PLXNA1: variants seen among roughly 807,000 people sequenced by gnomAD.
The protein encoded by PLXNA1 is plexin A1.
Under a neutral mutation model 191.7 loss-of-function variants are expected in PLXNA1, and 77 were observed. The observed-to-expected ratio is 0.40, with a 90% CI of 0.33 to 0.49. The LOEUF is 0.49. Ranked by LOEUF, PLXNA1 falls within the 20% of genes least tolerant of loss-of-function variation. PLXNA1 has a pLI of 0.63. For synonymous variants in PLXNA1, 1,137 were observed against 1,156.4 expected (o/e 0.98, Z 0.34); for missense variants, 2,110 against 2,660.2 (o/e 0.79, Z 4.55).
intron 10 of PLXNA1, 51 bp from the exon 11 acceptor site, chr3:127,013,965 TGGGA>T: frequency 6.5e-7 from 1 of 1,527,164 alleles, no homozygotes; most frequent in Middle Eastern, 1.7e-4. Flanking sequence ...GCGTGAGGCT[TGGGA>T]GGCCTGGAGG....
rs764129635 is a variant in PLXNA1, at chr3:127,005,242, G to A, written c.1896G>A (p.Gln632=). The part of the protein sequence containing the change: ...AREVAPITRG[Q]GDQRVVKLYL... Reference sequence around the variant, plus strand: ...AGGTGGCGCCCATCACGCGGGGCCAGGGTGAGTGGCCCCAACACAATGGTG... The same window carrying A: ...AGGTGGCGCCCATCACGCGGGGCCAAGGTGAGTGGCCCCAACACAATGGTG... Residue 632 remains glutamine (Q), a splice_region_variant and synonymous_variant, in exon 7 of 32, where the codon CAG becomes CAA. Coordinates refer to ENST00000393409, the MANE Select transcript of PLXNA1 (RefSeq NM_032242.4). 1.4e-5 allele frequency: 22 copies of A among 1,603,230 alleles called. No homozygotes were observed. In the East Asian group the frequency reaches 4.3e-4, roughly 31 times the overall value.
intron 3 of PLXNA1, among the ~76,000 whole-genome samples, chr3:126,997,100 C>T (rs1289503733): frequency 6.6e-6 from 1 of 152,204 alleles, no homozygotes; most frequent in Non-Finnish European, 1.5e-5. Flanking sequence ...AAGACTCTTC[C>T]TTACTGTGGG....
At chr3:126,983,782 C>T (rs924024158) in intron 1 of PLXNA1, among the ~76,000 whole-genome samples, 5 of 152,080 alleles carry the variant, frequency 3.3e-5, no homozygotes, top group South Asian at 4.1e-4. Flanking sequence ...CCTCTGGCCG[C>T]GGGCGAGGAC....
chr3:127,002,981 G>A (rs938715045), intron 3 of PLXNA1, among the ~76,000 whole-genome samples: 1 of 152,156 alleles, frequency 6.6e-6, no homozygotes, highest in African/African-American at 2.4e-5. Context: ...CTAGGCACCC[G>A]TGGGACTCCT....
Position 126,988,953 on chromosome 3 carries a change from G to A in PLXNA1, c.360G>A (p.Leu120=), listed in dbSNP as rs1351858398. ...ACAACGTCAACAAGCTGCTGCTGCT[G>A]GACTATGCCGCTAACCGCCTGCTGG... ...STDNVNKLLL[L]DYAANRLLAC... Residue 120 remains leucine, a synonymous_variant, in exon 2 of 32, where the codon CTG becomes CTA. Transcript: ENST00000393409. The A allele has an allele frequency of 1.2e-6, 2 of 1,613,224 alleles. No individual in the cohort carries two copies. The highest frequency in any genetic ancestry group is 1.7e-6 in the Non-Finnish European group (2 of 1,180,022).
At chr3:126,988,499 C>A in intron 1 of PLXNA1, 22 bp from the exon 2 acceptor site, 6 of 1,085,038 alleles carry the variant, frequency 5.5e-6, no homozygotes, top group Non-Finnish European at 7.7e-6. Flanking sequence ...CATTCACATG[C>A]CCTCTTCTGC....
chr3:126,988,660 G>T lies in PLXNA1; in HGVS notation c.67G>T (p.Gly23Cys). 6.3e-7 allele frequency: 1 copy of T among 1,579,310 alleles called. No individual in the cohort carries two copies. The highest frequency in any genetic ancestry group is 8.6e-7 in the Non-Finnish European group (1 of 1,162,162). The change falls in exon 2 of 32, where the codon GGC becomes TGC. Residue 23 changes from glycine to cysteine, a missense_variant. Transcript: ENST00000393409. ...LLLLLLLLLP[G>C]MWAEAGLPRA... ...GCTGCTGTTGCTGCTGCTGCTGCCG[G>T]GCATGTGGGCTGAGGCAGGCTTGCC...
chr3:127,027,252 A>T (rs906046060), intron 23 of PLXNA1: 1 of 233,546 alleles, frequency 4.3e-6, no homozygotes, highest in Non-Finnish European at 8.5e-6. Context: ...TTCTCATGCT[A>T]CAGCGCGGGG....
Position 127,011,989 on chromosome 3 carries a change from T to C in PLXNA1, c.2144T>C (p.Ile715Thr). ...CCACAGATCCTGCCCTCCACGCAGA[T>C]CTACGTGCCAGTGGGAGTGGTAAAA... ...DCPQILPSTQ[I>T]YVPVGVVKPI... The change falls in exon 10 of 32, where the codon ATC (isoleucine) becomes ACC (threonine). Residue 715 changes from isoleucine to threonine, a missense_variant. Coordinates refer to ENST00000393409, the MANE Select transcript of PLXNA1 (RefSeq NM_032242.4). 1.2e-6 allele frequency: 2 copies of C among 1,613,736 alleles called. No individual in the cohort carries two copies. Among genetic ancestry groups the C allele is most frequent in the South Asian group, 2.2e-5 (2 of 91,082 alleles).
chr3:126,992,757 G>C (rs980529853), intron 3 of PLXNA1, among the ~76,000 whole-genome samples: 2 of 152,050 alleles, frequency 1.3e-5, no homozygotes, highest in African/African-American at 4.8e-5. Context: ...GAAGCTGATG[G>C]GGAAAGTCCT....
chr3:126,990,721 G>A (rs2078986049), intron 2 of PLXNA1, among the ~76,000 whole-genome samples: 1 of 152,234 alleles, frequency 6.6e-6, no homozygotes, highest in Non-Finnish European at 1.5e-5. Context: ...TCCGTCTCAC[G>A]CTCACTGCCT....
rs530699759 is a variant in PLXNA1, at chr3:127,016,463, A to G, written c.3015-54A>G. 2.6e-6 allele frequency: 4 copies of G among 1,563,158 alleles called. No individual in the cohort carries two copies. In the South Asian group the frequency reaches 4.5e-5, roughly 17 times the overall value. Reference sequence around the variant, plus strand: ...CCGTCCCTCAATGCATCTGCATTCCACCTGCCTGGGTTCCACCCGTGTGCT... The same window carrying G: ...CCGTCCCTCAATGCATCTGCATTCCGCCTGCCTGGGTTCCACCCGTGTGCT... On this transcript the variant is annotated intron_variant, in intron 15 of 31. Coordinates refer to ENST00000393409, the MANE Select transcript of PLXNA1 (RefSeq NM_032242.4).
Position 127,007,868 on chromosome 3 carries a change from C to T in PLXNA1, c.2067C>T (p.Asn689=), listed in dbSNP as rs778007839. ...WCKYRHVCTH[N]VADCAFLEGR... ...AATACCGCCACGTGTGCACACACAA[C>T]GTGGCTGACTGCGCCTTCCTGGAGG... Residue 689 remains asparagine, a synonymous_variant, in exon 9 of 32, where the codon AAC becomes AAT. Transcript: ENST00000393409. 55 of 1,612,248 alleles carry T rather than the reference C, an allele frequency of 3.4e-5. No homozygotes were observed. The highest frequency in any genetic ancestry group is 6.7e-5 in the East Asian group (3 of 44,812).
chr3:127,008,575 GCC>G (rs1329005288), intron 9 of PLXNA1, among the ~76,000 whole-genome samples: 2 of 152,162 alleles, frequency 1.3e-5, no homozygotes, highest in African/African-American at 4.8e-5. Context: ...AGCTGTGGCA[GCC>G]CCCACCCCCA....
chr3:127,014,101 C>G lies in PLXNA1; in HGVS notation c.2395C>G (p.Pro799Ala), dbSNP rs1302554069. ...VWNGNFVIDNPQNIQAHLYKC... is the reference protein window; with the variant it reads ...VWNGNFVIDNAQNIQAHLYKC... ...GAACGGCAACTTTGTCATTGACAAC[C>G]CACAGAACATCCAGGGTGAGTGGGC... The change falls in exon 11 of 32, where the codon CCA becomes GCA. Residue 799 changes from proline to alanine, a missense_variant. Physicochemically the swap from Pro to Ala is conservative, Grantham distance 27 (BLOSUM62 -1). This residue lies in a region of PLXNA1 where 644 missense variants were observed against 714.3 expected (regional missense o/e 0.90). Coordinates refer to ENST00000393409, the MANE Select transcript of PLXNA1 (RefSeq NM_032242.4). 1 of 1,613,898 alleles carries G rather than the reference C, an allele frequency of 6.2e-7. No homozygotes were observed. The highest frequency in any genetic ancestry group is 2.2e-5 in the East Asian group (1 of 44,868).
intron 9 of PLXNA1, among the ~76,000 whole-genome samples, chr3:127,011,216 C>T (rs1185117605): frequency 6.6e-6 from 1 of 152,234 alleles, no homozygotes; most frequent in East Asian, 1.9e-4. Context: ...AAGGTGCCAC[C>T]ACCTGCCTCT....
rs1442841850 is a variant in PLXNA1 at position 126,983,179 on chromosome 3, T to C, written c.-182T>C. ...CCCGGGCGCGGCGGCGGCCTCGGCC[T>C]GGGCGGCCTACGCGGCTTCGGCGGC... On this transcript the variant is annotated 5_prime_UTR_variant, in exon 1 of 32. Coordinates refer to ENST00000393409, the MANE Select transcript of PLXNA1 (RefSeq NM_032242.4). Among the ~76,000 whole-genome samples, 9 of 142,094 alleles carry C rather than the reference T, an allele frequency of 6.3e-5. No homozygotes were observed. The highest frequency in any genetic ancestry group is 2.0e-4 in the African/African-American group (8 of 39,524). 93.2% of individuals were successfully genotyped at this position (142,094 alleles called of 152,430 possible).
intron 25 of PLXNA1, 32 bp from the exon 26 acceptor site, chr3:127,028,961 C>T (rs1447893372): frequency 1.0e-5 from 16 of 1,555,130 alleles, no homozygotes; most frequent in South Asian, 4.5e-5. Context: ...AGGGCCCCAG[C>T]GGCCCCACCC....
chr3:127,003,678 G>A (rs1162678233), intron 4 of PLXNA1, among the ~76,000 whole-genome samples: 2 of 152,208 alleles, frequency 1.3e-5, no homozygotes, highest in African/African-American at 4.8e-5. Flanking sequence ...TGGTCACCAG[G>A]GGCCCCACAG....
Sources: gnomAD v4.1 joint callset for allele counts (sites outside exome capture counted in the v4.1 genomes callset) on GRCh38, gnomAD v4.1.1 for gene constraint, gnomAD v4.1.1 regional missense constraint, MANE v1.5 for transcripts, NCBI Gene and HGNC (gene_info 2026-07-23, HGNC 2026-07-21) for gene names.